CTSH: variants seen among roughly 807,000 people sequenced by gnomAD.
CTSH encodes cathepsin H, also known as pro-cathepsin H.
Under a neutral mutation model 56.3 loss-of-function variants are expected in CTSH, and 52 were observed. The ratio of observed to expected loss-of-function variants is 0.92; its 90% CI spans 0.74 to 1.16. CTSH has a LOEUF of 1.16. Among genes scored for constraint, CTSH ranks in the 50% most tolerant of loss-of-function variants. The probability of loss-of-function intolerance (pLI) is 0.00; values close to 1 mark genes in which losing one functional copy is unlikely to be tolerated. For missense variants in CTSH, 406 were observed against 424.5 expected (o/e 0.96, Z 0.38); for synonymous variants, 174 against 155.7 (o/e 1.12, Z -0.88).
intron 7 of CTSH, among the ~76,000 whole-genome samples, chr15:78,930,665 A>T (rs185505780): frequency 6.6e-6 from 1 of 152,226 alleles, no homozygotes; most frequent in Non-Finnish European, 1.5e-5. Context: ...GACCAAAAGT[A>T]AGGGGACACT....
intron 1 of CTSH, among the ~76,000 whole-genome samples, chr15:78,940,820 A>C (rs1435994209): frequency 6.6e-6 from 1 of 152,092 alleles, no homozygotes; most frequent in Non-Finnish European, 1.5e-5. Context: ...TTAGCTGGGC[A>C]TGGTGGCAGG....
intron 7 of CTSH, among the ~76,000 whole-genome samples, chr15:78,930,906 T>G (rs1238307640): frequency 6.6e-6 from 1 of 152,202 alleles, no homozygotes; most frequent in Non-Finnish European, 1.5e-5. Flanking sequence ...CTCAGAGCAC[T>G]GCATGAAGGG....
intron 2 of CTSH, among the ~76,000 whole-genome samples, chr15:78,938,736 C>T (rs1431977184): frequency 1.3e-5 from 2 of 152,186 alleles, no homozygotes; most frequent in African/African-American, 4.8e-5. Context: ...GCAGATATCC[C>T]TCCAATATAC....
intron 10 of CTSH, among the ~76,000 whole-genome samples, chr15:78,924,957 A>G (rs1320807060): frequency 6.6e-6 from 1 of 151,638 alleles, no homozygotes; most frequent in Non-Finnish European, 1.5e-5. Flanking sequence ...CGGCCTCCCA[A>G]AGTGCTGGGA....
At position 78,922,056 on chromosome 15, in the gene CTSH, G is replaced by A; in HGVS notation, c.*74C>T. ...TGGATCTCCCCACAACTTCCTCCAG[G>A]GCAGGATTTCCACCCAGGCCCAGGC... On this transcript the variant is annotated 3_prime_UTR_variant, in exon 12 of 12. Transcript: ENST00000220166. 7.2e-7 allele frequency: 1 copy of A among 1,383,616 alleles called. No individual in the cohort carries two copies. The highest frequency in any genetic ancestry group is 1.2e-5 in the South Asian group (1 of 80,266). The allele number at this position is 1,383,616 out of a possible 1,614,324, so 85.7% of individuals were successfully genotyped here. A position where few individuals can be genotyped will look rare whatever the true frequency, so the allele number is the denominator to read the frequency against.
chr15:78,936,274 C>T (rs557759282), intron 3 of CTSH, among the ~76,000 whole-genome samples: 154 of 151,028 alleles, frequency 1.0e-3, no homozygotes, highest in African/African-American at 3.5e-3. Context: ...CTCTGCCTCC[C>T]GGATTCAAGC....
intron 6 of CTSH, chr15:78,932,020 C>A: frequency 8.4e-7 from 1 of 1,183,878 alleles, no homozygotes; most frequent in Non-Finnish European, 1.1e-6. Context: ...CGGCTCTTCC[C>A]TCATGAAGAC....
chr15:78,928,585 A>G, intron 8 of CTSH, among the ~76,000 whole-genome samples: 1 of 116,062 alleles, frequency 8.6e-6, no homozygotes, highest in South Asian at 2.5e-4. Flanking sequence ...AAAAAAAAAA[A>G]AAAAGAAGGG....
intron 1 of CTSH, among the ~76,000 whole-genome samples, chr15:78,940,738 C>T (rs917292763): frequency 6.6e-6 from 1 of 152,136 alleles, no homozygotes; most frequent in South Asian, 2.1e-4. Flanking sequence ...GTGGGCAGAT[C>T]ACCTGAGGTC....
chr15:78,940,434 A>G (rs143771662), intron 1 of CTSH, among the ~76,000 whole-genome samples: 1 of 152,090 alleles, frequency 6.6e-6, no homozygotes, highest in Non-Finnish European at 1.5e-5. Flanking sequence ...AAAATAAAAA[A>G]AATTAGACGG....
At chr15:78,924,830 T>C (rs1031032070) in intron 10 of CTSH, among the ~76,000 whole-genome samples, 41 of 151,200 alleles carry the variant, frequency 2.7e-4, no homozygotes, top group Middle Eastern at 3.5e-3. Context: ...GCTGGGATTA[T>C]AGGCATGCAC....
chr15:78,935,660 T>C lies in CTSH; in HGVS notation c.300+20A>G, dbSNP rs1171501613. ...TTTCAGTAAAAGGATTCAGATTTGGTTGCAATGAATTATACCTACCTGAGG... is the reference window on the plus strand; with the variant it reads ...TTTCAGTAAAAGGATTCAGATTTGGCTGCAATGAATTATACCTACCTGAGG... On this transcript the variant is annotated intron_variant, in intron 4 of 11. Transcript: ENST00000220166. The C allele has an allele frequency of 1.9e-6, 3 of 1,586,246 alleles. No homozygotes were observed. The highest frequency in any genetic ancestry group is 2.6e-6 in the Non-Finnish European group (3 of 1,158,576).
chr15:78,927,293 T>C (rs1003075538), intron 9 of CTSH: 4 of 224,134 alleles, frequency 1.8e-5, no homozygotes, highest in African/African-American at 9.2e-5. Context: ...ACCCTTTGAC[T>C]GTTGTCAGCC....
At chr15:78,936,310 T>G (rs2055176104) in intron 3 of CTSH, among the ~76,000 whole-genome samples, 1 of 151,534 alleles carries the variant, frequency 6.6e-6, no homozygotes, top group South Asian at 2.1e-4. Flanking sequence ...GCTTCCCTAG[T>G]AGCTGAGACT....
chr15:78,925,331 C>CAGA lies in CTSH; in HGVS notation c.806+2_806+3insTCT. The stretch of plus-strand genomic sequence containing the variant: ...CCTCCTGGCTCCTGGGACCCTGACT[C>CAGA]ACCTGGAGTAGATGCCGGTTCTATA... On this transcript the variant is annotated splice_region_variant and intron_variant, in intron 10 of 11. Transcript: ENST00000220166. 1 of 1,594,758 alleles carries CAGA rather than the reference C, an allele frequency of 6.3e-7. No individual in the cohort carries two copies. The highest frequency in any genetic ancestry group is 1.1e-5 in the South Asian group (1 of 90,634).
chr15:78,937,467 A>G, intron 2 of CTSH, 44 bp from the exon 3 acceptor site: 1 of 1,539,984 alleles, frequency 6.5e-7, no homozygotes, highest in African/African-American at 1.4e-5. Flanking sequence ...AACAGGCTGC[A>G]GCTCCCTAGA....
chr15:78,942,767 C>G (rs1486724908), intron 1 of CTSH, among the ~76,000 whole-genome samples: 1 of 152,188 alleles, frequency 6.6e-6, no homozygotes, highest in South Asian at 2.1e-4. Context: ...AATAAAAGGT[C>G]TGTAAATGGA....
At chr15:78,931,783 G>C (rs2055066526) in intron 6 of CTSH, 2 of 1,378,978 alleles carry the variant, frequency 1.5e-6, no homozygotes, top group East Asian at 5.7e-5. Flanking sequence ...CTGCCCCGTA[G>C]GTGTGCCCAT....
chr15:78,925,235 G>A, intron 10 of CTSH, 99 bp downstream of exon 10: 1 of 735,938 alleles, frequency 1.4e-6, no homozygotes, highest in Non-Finnish European at 2.4e-6. Flanking sequence ...CTGACACACA[G>A]GAGTCTGGGC....
Sources: allele counts gnomAD v4.1 joint callset (sites outside exome capture counted in the v4.1 genomes callset), GRCh38; gene constraint gnomAD v4.1.1; transcripts MANE v1.5; gene names NCBI Gene and HGNC (gene_info 2026-07-23, HGNC 2026-07-21).